Variants in ULK4 observed in about 807,000 individuals in gnomAD.
ULK4 encodes the protein inactive serine/threonine-protein kinase ULK4.
ULK4 carries 133 observed loss-of-function variants against 160.6 expected under a neutral mutation model. The observed-to-expected ratio is 0.83, with a 90% CI of 0.72 to 0.96. The LOEUF is 0.96. Ranked by LOEUF, ULK4 falls within the 40% of genes least tolerant of loss-of-function variation. ULK4 has a pLI of 0.00. For missense variants in ULK4, 1,580 were observed against 1,499.5 expected (o/e 1.05, Z -0.89); for synonymous variants, 534 against 539.8 (o/e 0.99, Z 0.15).
intron 35 of ULK4, among the ~76,000 whole-genome samples, chr3:41,369,913 A>T (rs1231091304): frequency 1.3e-5 from 2 of 152,208 alleles, no homozygotes; most frequent in Admixed American, 1.3e-4. Flanking sequence ...AAGAAAAAAA[A>T]AATCTATTTT....
At chr3:41,801,112 G>C (rs945486391) in intron 19 of ULK4, among the ~76,000 whole-genome samples, 1 of 152,068 alleles carries the variant, frequency 6.6e-6, no homozygotes, top group Non-Finnish European at 1.5e-5. Context: ...CAAGAAGGAA[G>C]AGGAAAGCAA....
At chr3:41,593,057 C>T (rs998957572) in intron 31 of ULK4, among the ~76,000 whole-genome samples, 1 of 152,192 alleles carries the variant, frequency 6.6e-6, no homozygotes, top group Non-Finnish European at 1.5e-5. Flanking sequence ...CCACAATCAG[C>T]TATTTCTTCC....
intron 22 of ULK4, among the ~76,000 whole-genome samples, chr3:41,744,691 A>C (rs1272891745): frequency 6.6e-6 from 1 of 151,942 alleles, no homozygotes; most frequent in Non-Finnish European, 1.5e-5. Flanking sequence ...GAGAATATCT[A>C]AACAACGCAA....
intron 32 of ULK4, among the ~76,000 whole-genome samples, chr3:41,564,282 T>C (rs1323324367): frequency 6.6e-6 from 1 of 151,940 alleles, no homozygotes; most frequent in East Asian, 1.9e-4. Flanking sequence ...CCTGCTTGTA[T>C]GAGGTGTCTG....
intron 32 of ULK4, among the ~76,000 whole-genome samples, chr3:41,538,255 T>C (rs2086578489): frequency 1.3e-5 from 2 of 152,156 alleles, no homozygotes; most frequent in African/African-American, 4.8e-5. Context: ...TGCACCAACA[T>C]AAAAGATGCA....
At chr3:41,410,693 T>A (rs7647104) in intron 34 of ULK4, among the ~76,000 whole-genome samples, 33,003 of 152,132 alleles carry the variant, frequency 0.22, 4,016 homozygotes, top group African/African-American at 0.32. Flanking sequence ...AAATGCTAAT[T>A]GTACACAAAG....
chr3:41,377,182 T>A lies in ULK4; in HGVS notation c.3678+20897A>T, dbSNP rs541479582. On this transcript the variant is annotated intron_variant, in intron 35 of 36. Coordinates refer to ENST00000301831, the MANE Select transcript of ULK4 (RefSeq NM_017886.4). ...AAACTGGCTAGCCATAGTAGAAAGCTGAAACTGGATCCCTTCCTTACACCT... is the reference window on the plus strand; with the variant it reads ...AAACTGGCTAGCCATAGTAGAAAGCAGAAACTGGATCCCTTCCTTACACCT... Among the ~76,000 whole-genome samples the A allele has an allele frequency of 6.1e-4, 93 of 152,320 alleles. 1 individual carries two copies. Among genetic ancestry groups the A allele is most frequent in the African/African-American group, 2.1e-3 (88 of 41,570 alleles).
intron 13 of ULK4, 64 bp from the exon 14 acceptor site, chr3:41,898,556 A>G: frequency 1.1e-6 from 1 of 915,890 alleles, no homozygotes; most frequent in Non-Finnish European, 1.7e-6. Context: ...GTCTCCTTAT[A>G]TGTCCCTTAT....
intron 22 of ULK4, among the ~76,000 whole-genome samples, chr3:41,750,712 C>T (rs544277695): frequency 4.6e-5 from 7 of 152,082 alleles, no homozygotes; most frequent in African/African-American, 1.7e-4. Context: ...AATGCCTGGT[C>T]TGGCCGGGTG....
At chr3:41,726,701 C>T (rs1019575017) in intron 22 of ULK4, among the ~76,000 whole-genome samples, 2 of 152,194 alleles carry the variant, frequency 1.3e-5, no homozygotes, top group Non-Finnish European at 1.5e-5. Context: ...CTGCAACCTC[C>T]GCCTCCTGGG....
At chr3:41,869,424 T>A (rs1697012053) in intron 17 of ULK4, among the ~76,000 whole-genome samples, 1 of 151,554 alleles carries the variant, frequency 6.6e-6, no homozygotes, top group South Asian at 2.1e-4. Context: ...AAAAATAAAA[T>A]AAAAAAATTA....
chr3:41,457,374 G>A (rs539485460), intron 33 of ULK4, among the ~76,000 whole-genome samples: 37 of 152,190 alleles, frequency 2.4e-4, no homozygotes, highest in African/African-American at 7.0e-4. Context: ...CGTCATAGTC[G>A]CCAAGAAACA....
At chr3:41,800,761 G>A (rs1464938430) in intron 19 of ULK4, among the ~76,000 whole-genome samples, 1 of 152,182 alleles carries the variant, frequency 6.6e-6, no homozygotes, top group Non-Finnish European at 1.5e-5. Flanking sequence ...GGACATCAAG[G>A]AGAGTCCTAA....
At chr3:41,470,674 T>C (rs2083968360) in intron 32 of ULK4, among the ~76,000 whole-genome samples, 1 of 152,070 alleles carries the variant, frequency 6.6e-6, no homozygotes, top group Non-Finnish European at 1.5e-5. Flanking sequence ...TGTTAATAAA[T>C]GCATATTACA....
At chr3:41,388,736 C>G (rs960551375) in intron 35 of ULK4, among the ~76,000 whole-genome samples, 1 of 152,070 alleles carries the variant, frequency 6.6e-6, no homozygotes, top group Non-Finnish European at 1.5e-5. Flanking sequence ...TGATCTATAT[C>G]TCTGTTTTGG....
chr3:41,488,344 CAG>C (rs2084620696), intron 32 of ULK4, among the ~76,000 whole-genome samples: 1 of 152,062 alleles, frequency 6.6e-6, no homozygotes, highest in African/African-American at 2.4e-5. Context: ...GGAGACGGTC[CAG>C]AGAGTTGGAA....
At chr3:41,870,758 T>A (rs1409028450) in intron 17 of ULK4, among the ~76,000 whole-genome samples, 13 of 152,150 alleles carry the variant, frequency 8.5e-5, no homozygotes, top group Non-Finnish European at 1.9e-4. Context: ...GAGGAAGATC[T>A]CCCTCATACA....
chr3:41,481,826 C>CAAAAAAAAAA (rs71616009), intron 32 of ULK4, among the ~76,000 whole-genome samples: 2 of 66,860 alleles, frequency 3.0e-5, no homozygotes, highest in African/African-American at 9.2e-5. Flanking sequence ...GACTCCGTCT[C>CAAAAAAAAAA]AAAAAAAAAA....
chr3:41,851,223 T>C (rs1162876208), intron 17 of ULK4, among the ~76,000 whole-genome samples: 1 of 152,188 alleles, frequency 6.6e-6, no homozygotes, highest in Non-Finnish European at 1.5e-5. Flanking sequence ...TTGTCATAGA[T>C]GGCTCTTATT....
Sources: gnomAD v4.1 joint callset for allele counts (sites outside exome capture counted in the v4.1 genomes callset) on GRCh38, gnomAD v4.1.1 for gene constraint, MANE v1.5 for transcripts, NCBI Gene and HGNC (gene_info 2026-07-23, HGNC 2026-07-21) for gene names.